The following SYMPK variants were observed in gnomAD, a reference collection of about 807,000 sequenced individuals.
SYMPK encodes symplekin.
SYMPK carries 49 observed loss-of-function variants against 136.4 expected under a neutral mutation model. That is an observed-to-expected ratio of 0.36 (90% CI 0.29 to 0.46). The LOEUF (loss-of-function observed/expected upper bound fraction) is 0.46. Ranked by LOEUF, SYMPK falls within the 20% of genes least tolerant of loss-of-function variation. The pLI is 1.00. For missense variants in SYMPK, 1,365 were observed against 1,690.0 expected, an observed-to-expected ratio of 0.81 and a Z score of 3.37; for synonymous variants, 766 against 713.0, an observed-to-expected ratio of 1.07 and a Z score of -1.19.
rs1403863689 is a variant in SYMPK at position 45,858,133 on chromosome 19, T to C, written c.-12-3626A>G. On this transcript the variant is annotated intron_variant, in intron 1 of 26. Coordinates refer to ENST00000245934, the MANE Select transcript of SYMPK (RefSeq NM_004819.3). ...ACGTTTTTTAAAAGGAACTACCCAA[T>C]AGCTATTCACAGTAGTATCACATGA... Among the ~76,000 whole-genome samples, 7 of 152,156 alleles carry C rather than the reference T, an allele frequency of 4.6e-5. 1 individual carries two copies. In the South Asian group the frequency reaches 1.2e-3, roughly 27 times the overall value.
At chr19:45,833,322 C>T (rs2146318344) in intron 11 of SYMPK, among the ~76,000 whole-genome samples, 1 of 152,294 alleles carries the variant, frequency 6.6e-6, no homozygotes, top group African/African-American at 2.4e-5. Context: ...AAAACTAGGG[C>T]CGGGCGCGGT....
chr19:45,832,027 G>C (rs914109962), intron 11 of SYMPK, among the ~76,000 whole-genome samples: 7 of 151,996 alleles, frequency 4.6e-5, no homozygotes, highest in Non-Finnish European at 1.0e-4. Context: ...TTTTTTTGTA[G>C]AGATGAGGTC....
Position 45,844,083 on chromosome 19 carries a change from C to T in SYMPK, c.794G>A (p.Arg265His), listed in dbSNP as rs1288801601. ...CTCAGACATGAACATGGGTCTCTGG[C>T]GGGCGATATTGGCAAGGGAGCCCAG... Reference protein sequence around the residue: ...TALGSLANIARQRPMFMSEVI... With the variant: ...TALGSLANIAHQRPMFMSEVI... The change falls in exon 8 of 27, where the codon CGC (arginine) becomes CAC (histidine). Residue 265 changes from arginine (R) to histidine (H), a missense_variant. This residue lies in a region of SYMPK where 237 missense variants were observed against 292.9 expected (regional missense o/e 0.81). Coordinates refer to ENST00000245934, the MANE Select transcript of SYMPK (RefSeq NM_004819.3). 2 of 1,610,234 alleles carry T rather than the reference C, an allele frequency of 1.2e-6. No individual in the cohort carries two copies. Among genetic ancestry groups the T allele is most frequent in the Non-Finnish European group, 1.7e-6 (2 of 1,178,266 alleles).
chr19:45,854,571 T>C (rs562587819), intron 1 of SYMPK, 64 bp from the exon 2 acceptor site: 50 of 1,378,756 alleles, frequency 3.6e-5, no homozygotes, highest in Non-Finnish European at 4.9e-5. Flanking sequence ...CTGGGCTGGA[T>C]TGTCACCCGA....
chr19:45,830,446 C>T (rs1036235353), intron 12 of SYMPK: 13 of 495,752 alleles, frequency 2.6e-5, no homozygotes, highest in Admixed American at 6.5e-5. Flanking sequence ...GGGATCTGAA[C>T]GGAGGCAGGG....
intron 14 of SYMPK, 114 bp downstream of exon 14, chr19:45,828,853 CGAG>C (rs1257739534): frequency 1.5e-5 from 15 of 986,764 alleles, no homozygotes; most frequent in Admixed American, 2.2e-5. Context: ...GGGATGGGTG[CGAG>C]GAGGACTGAC....
intron 9 of SYMPK, among the ~76,000 whole-genome samples, chr19:45,841,111 G>A (rs1396148235): frequency 6.6e-6 from 1 of 151,718 alleles, no homozygotes; most frequent in Non-Finnish European, 1.5e-5. Context: ...AGCCTCCCAA[G>A]TAGCAGCAAC....
chr19:45,817,131 C>A, intron 23 of SYMPK, 157 bp from the exon 24 acceptor site: 1 of 701,814 alleles, frequency 1.4e-6, no homozygotes, highest in Non-Finnish European at 2.2e-6. Flanking sequence ...CTCCAGAGGC[C>A]TTTGTCTTCC....
chr19:45,832,907 C>G (rs1971218360), intron 11 of SYMPK, among the ~76,000 whole-genome samples: 1 of 151,304 alleles, frequency 6.6e-6, no homozygotes, highest in African/African-American at 2.4e-5. Flanking sequence ...TGCCTATAAT[C>G]CCAGCTACTT....
chr19:45,831,241 G>A, intron 12 of SYMPK, 143 bp downstream of exon 12: 1 of 528,470 alleles, frequency 1.9e-6, no homozygotes, highest in East Asian at 3.3e-5. Flanking sequence ...TCGGGAGTCA[G>A]AGAGAACCTA....
chr19:45,852,354 A>G lies in SYMPK; in HGVS notation c.257T>C (p.Ile86Thr), dbSNP rs1971714401. The G allele has an allele frequency of 4.3e-6, 7 of 1,614,070 alleles. No homozygotes were observed. Among genetic ancestry groups the G allele is most frequent in the Admixed American group, 1.7e-5 (1 of 59,994 alleles). ...GCCGATGACAAATTTTCGCACTTCG[A>G]TTGACTTGTCTGCTTGGAATGCGAT... ...EIIAFQADKS[I>T]EVRKFVIGFI... Residue 86 changes from isoleucine to threonine, a missense_variant, in exon 5 of 27, where the codon ATC becomes ACC. By Grantham distance (89) the Ile-to-Thr change is moderately conservative (BLOSUM62 -1). This residue lies in a region of SYMPK where 237 missense variants were observed against 292.9 expected (regional missense o/e 0.81). Coordinates refer to ENST00000245934, the MANE Select transcript of SYMPK (RefSeq NM_004819.3).
At chr19:45,861,650 T>C (rs868731867) in intron 1 of SYMPK, among the ~76,000 whole-genome samples, 12 of 151,728 alleles carry the variant, frequency 7.9e-5, no homozygotes, top group South Asian at 2.1e-4. Flanking sequence ...GGCAGGCGAA[T>C]TGCTTGAACC....
chr19:45,815,857 T>C lies in SYMPK; in HGVS notation c.3681A>G (p.Leu1227=), dbSNP rs376274956. ...ALLDSSLEGP[L]PKETAAGGLT... ...CGGAGGCTGCTCTCCCTACCTTGGG[T>C]AGGGGGCCCTCGAGACTAGAGTCCA... Residue 1227 remains leucine (L), a synonymous_variant, in exon 26 of 27, where the codon CTA becomes CTG. Coordinates refer to ENST00000245934, the MANE Select transcript of SYMPK (RefSeq NM_004819.3). 5.6e-6 allele frequency: 9 copies of C among 1,611,136 alleles called. No individual in the cohort carries two copies. The highest frequency in any genetic ancestry group is 7.6e-6 in the Non-Finnish European group (9 of 1,179,500).
chr19:45,822,649 G>A, intron 21 of SYMPK, 107 bp downstream of exon 21: 1 of 853,814 alleles, frequency 1.2e-6, no homozygotes, highest in Non-Finnish European at 1.9e-6. Context: ...GTGTCCCAGG[G>A]AGCAGGATGT....
intron 3 of SYMPK, 32 bp from the exon 4 acceptor site, chr19:45,852,567 T>C (rs1236470589): frequency 1.1e-5 from 17 of 1,613,434 alleles, no homozygotes; most frequent in Non-Finnish European, 5.9e-6. Flanking sequence ...GGAGGAGGAA[T>C]ACCCATATAA....
chr19:45,859,567 T>G (rs1035337192), intron 1 of SYMPK, among the ~76,000 whole-genome samples: 3 of 152,006 alleles, frequency 2.0e-5, no homozygotes, highest in Non-Finnish European at 4.4e-5. Flanking sequence ...GCCACTGCAC[T>G]CCAGCCTGGA....
chr19:45,816,592 G>C lies in SYMPK; in HGVS notation c.3259-15C>G. 2 of 1,613,328 alleles carry C rather than the reference G, an allele frequency of 1.2e-6. No individual in the cohort carries two copies. The highest frequency in any genetic ancestry group is 1.7e-6 in the Non-Finnish European group (2 of 1,179,958). On this transcript the variant is annotated splice_polypyrimidine_tract_variant and intron_variant, in intron 24 of 26. Transcript: ENST00000245934. ...ATGTGAGCTTGCTGGGTGGAGAGCAGGAAGGGGGCGCTGGGGGCAGCTCTG... is the reference window on the plus strand; with the variant it reads ...ATGTGAGCTTGCTGGGTGGAGAGCACGAAGGGGGCGCTGGGGGCAGCTCTG...
intron 20 of SYMPK, 120 bp from the exon 21 acceptor site, chr19:45,822,966 C>T (rs1970942713): frequency 1.3e-6 from 1 of 765,688 alleles, no homozygotes; most frequent in Admixed American, 2.1e-5. Flanking sequence ...CTCACTGAGC[C>T]CCTCCTACCC....
Position 45,852,389 on chromosome 19 carries a change from C to G in SYMPK, c.226-4G>C. 6.2e-7 allele frequency: 1 copy of G among 1,614,172 alleles called. No individual in the cohort carries two copies. On this transcript the variant is annotated splice_polypyrimidine_tract_variant and splice_region_variant and intron_variant, in intron 4 of 26. Transcript: ENST00000245934. ...CTGCTTGGAATGCGATGATCTCCTGCCAATGTTAGAGAGAAAGTGGATCAG... is the reference window on the plus strand; with the variant it reads ...CTGCTTGGAATGCGATGATCTCCTGGCAATGTTAGAGAGAAAGTGGATCAG...
Sources: gnomAD v4.1 joint callset for allele counts (sites outside exome capture counted in the v4.1 genomes callset) on GRCh38, gnomAD v4.1.1 for gene constraint, gnomAD v4.1.1 regional missense constraint, MANE v1.5 for transcripts, NCBI Gene and HGNC (gene_info 2026-07-23, HGNC 2026-07-21) for gene names.